Variants in DUSP13A observed in about 807,000 individuals in gnomAD.
DUSP13A encodes dual specificity protein phosphatase 13A.
the DUSP13A span, chr10:75,108,014 G>A: frequency 6.2e-7 from 1 of 1,613,208 alleles, no homozygotes; most frequent in Non-Finnish European, 8.5e-7. Flanking sequence ...TGAGGGCACG[G>A]TGGATGAAGT....
At chr10:75,107,906 G>A in the DUSP13A span, 2 of 1,415,758 alleles carry the variant, frequency 1.4e-6, no homozygotes, top group South Asian at 2.7e-5. Flanking sequence ...AAGCAGGGAT[G>A]GGAGGGCACT....
At chr10:75,107,902 G>T in the DUSP13A span, 1 of 1,400,008 alleles carries the variant, frequency 7.1e-7, no homozygotes. Context: ...TAAAAAGCAG[G>T]GATGGGAGGG....
At chr10:75,108,011 A>G in the DUSP13A span, 6 of 1,613,050 alleles carry the variant, frequency 3.7e-6, no homozygotes, top group Admixed American at 8.4e-5. Context: ...TGTTGAGGGC[A>G]CGGTGGATGA....
At chr10:75,108,773 G>A in the DUSP13A span, among the ~76,000 whole-genome samples, 1 of 152,070 alleles carries the variant, frequency 6.6e-6, no homozygotes, top group Non-Finnish European at 1.5e-5. Context: ...ATGTTTCCTG[G>A]AACTCCTGGG....
the DUSP13A span, among the ~76,000 whole-genome samples, chr10:75,108,771 T>C: frequency 6.6e-6 from 1 of 152,152 alleles, no homozygotes; most frequent in Non-Finnish European, 1.5e-5. Flanking sequence ...AAATGTTTCC[T>C]GGAACTCCTG....
chr10:75,106,634 C>T, the DUSP13A span, among the ~76,000 whole-genome samples: 1 of 152,252 alleles, frequency 6.6e-6, no homozygotes, highest in African/African-American at 2.4e-5. Context: ...GAGCCCTCCA[C>T]ACTGGCCCAC....
the DUSP13A span, chr10:75,109,111 G>T: frequency 6.2e-7 from 1 of 1,611,548 alleles, no homozygotes; most frequent in East Asian, 2.2e-5. Flanking sequence ...GGGGCAAGGC[G>T]TGGCTTTGTC....
the DUSP13A span, chr10:75,108,372 AGCCCC>A: frequency 1.5e-6 from 2 of 1,323,020 alleles, no homozygotes; most frequent in Non-Finnish European, 2.0e-6. Context: ...CTATACCCAG[AGCCCC>A]GCACTTTCTG....
the DUSP13A span, chr10:75,105,818 C>G: frequency 1.3e-6 from 2 of 1,550,936 alleles, no homozygotes; most frequent in Non-Finnish European, 1.7e-6. Flanking sequence ...TAGGCCAGGA[C>G]CAGCGTGGCA....
At chr10:75,108,291 G>A in the DUSP13A span, 10 of 1,509,468 alleles carry the variant, frequency 6.6e-6, no homozygotes, top group East Asian at 2.3e-4. Context: ...CTGCTGCAGA[G>A]GGACCGAGCC....
At chr10:75,106,471 G>A in the DUSP13A span, among the ~76,000 whole-genome samples, 1 of 152,226 alleles carries the variant, frequency 6.6e-6, no homozygotes, top group South Asian at 2.1e-4. Context: ...CTGAGACACG[G>A]CTTCCTCCAC....
chr10:75,105,909 C>G, the DUSP13A span: 12 of 1,528,768 alleles, frequency 7.8e-6, no homozygotes, highest in Non-Finnish European at 1.1e-5. Flanking sequence ...TCCCACACAC[C>G]GGCCCACCCA....
the DUSP13A span, chr10:75,107,879 A>G: frequency 7.7e-7 from 1 of 1,293,808 alleles, no homozygotes. Context: ...ACACGGCCTA[A>G]GCAGAGGATT....
At chr10:75,106,568 G>A in the DUSP13A span, among the ~76,000 whole-genome samples, 16 of 152,112 alleles carry the variant, frequency 1.1e-4, no homozygotes, top group Non-Finnish European at 1.8e-4. Context: ...TTTGTAGAGG[G>A]AAGTCCCCCC....
the DUSP13A span, chr10:75,109,018 A>G: frequency 1.1e-5 from 17 of 1,607,140 alleles, no homozygotes; most frequent in African/African-American, 4.0e-5. Flanking sequence ...CGCATCTCCT[A>G]TGAAAAGGTT....
At chr10:75,108,161 G>C in the DUSP13A span, 2 of 1,612,472 alleles carry the variant, frequency 1.2e-6, no homozygotes, top group East Asian at 2.2e-5. Context: ...CGTTCAGCAC[G>C]TGGGTGATGC....
At chr10:75,108,001 T>A in the DUSP13A span, 1 of 1,612,202 alleles carries the variant, frequency 6.2e-7, no homozygotes, top group Non-Finnish European at 8.5e-7. Context: ...CCCCCAGGCG[T>A]GTTGAGGGCA....
At chr10:75,109,062 C>G in the DUSP13A span, 3 of 1,612,236 alleles carry the variant, frequency 1.9e-6, no homozygotes, top group Admixed American at 3.3e-5. Context: ...TGCAAGAAGA[C>G]TTCCCTGCCC....
chr10:75,108,873 TG>T, the DUSP13A span: 1 of 1,206,538 alleles, frequency 8.3e-7, no homozygotes, highest in Non-Finnish European at 1.1e-6. Flanking sequence ...CCGGGGGTCC[TG>T]GAGAAGGTCC....
Sources: gnomAD v4.1 joint callset for allele counts (sites outside exome capture counted in the v4.1 genomes callset) on GRCh38, gnomAD v4.1.1 for gene constraint, MANE v1.5 for transcripts, NCBI Gene and HGNC (gene_info 2026-07-23, HGNC 2026-07-21) for gene names.